Variants in MALRD1 observed in about 807,000 individuals in gnomAD.
MALRD1 encodes MAM and LDL-receptor class A domain-containing protein 1.
Under a neutral mutation model 242.1 loss-of-function variants are expected in MALRD1, and 247 were observed. That is an observed-to-expected ratio of 1.02 (90% confidence interval 0.92 to 1.13). The LOEUF is 1.13. MALRD1 is among the 50% of genes most tolerant of loss of function. The pLI is 0.00. For synonymous variants in MALRD1, 995 were observed against 866.6 expected (o/e 1.15, Z -2.60); for missense variants, 2,989 against 2,533.1 (o/e 1.18, Z -3.86).
intron 21 of MALRD1, among the ~76,000 whole-genome samples, chr10:19,310,256 T>C (rs1040267981): frequency 2.6e-5 from 4 of 151,522 alleles, no homozygotes; most frequent in African/African-American, 7.3e-5. Context: ...TAACAGAGAC[T>C]GATTTAAGTA....
chr10:19,048,032 T>C (rs1292592193), upstream of MALRD1, among the ~76,000 whole-genome samples: 2 of 152,206 alleles, frequency 1.3e-5, no homozygotes, highest in Non-Finnish European at 2.9e-5. Context: ...ATTATGTAAT[T>C]ATTATGTCTG....
At chr10:19,628,559 CTG>C (rs900706995) in intron 36 of MALRD1, among the ~76,000 whole-genome samples, 1 of 151,734 alleles carries the variant, frequency 6.6e-6, no homozygotes, top group Admixed American at 6.6e-5. Context: ...AAATGTGTAA[CTG>C]TGTATGAAAA....
chr10:19,550,240 A>G (rs1003778972), intron 32 of MALRD1, among the ~76,000 whole-genome samples: 9 of 151,998 alleles, frequency 5.9e-5, no homozygotes, highest in African/African-American at 2.2e-4. Context: ...CTACTTGCCT[A>G]TGATACATTC....
intron 32 of MALRD1, among the ~76,000 whole-genome samples, chr10:19,534,573 G>T (rs1834567552): frequency 6.6e-6 from 1 of 151,812 alleles, no homozygotes. Context: ...AACTTGTGGT[G>T]GGAAAAAAAC....
chr10:19,641,055 A>C (rs1840363998), intron 36 of MALRD1, among the ~76,000 whole-genome samples: 1 of 152,204 alleles, frequency 6.6e-6, no homozygotes, highest in South Asian at 2.1e-4. Flanking sequence ...AGATAGGCTT[A>C]AATGAGTGAA....
At chr10:19,372,658 G>A (rs12217297) in intron 26 of MALRD1, among the ~76,000 whole-genome samples, 18,430 of 151,656 alleles carry the variant, frequency 0.12, 1,216 homozygotes, top group South Asian at 0.16. Flanking sequence ...AGTAGAGATG[G>A]GGTTTCACCA....
chr10:19,310,237 C>T (rs781263849), intron 21 of MALRD1, among the ~76,000 whole-genome samples: 11 of 151,392 alleles, frequency 7.3e-5, no homozygotes, highest in Non-Finnish European at 1.3e-4. Context: ...TTTTTACTGA[C>T]GTTATTGGTA....
chr10:19,214,638 A>G (rs937320040), intron 18 of MALRD1, among the ~76,000 whole-genome samples: 8 of 152,214 alleles, frequency 5.3e-5, no homozygotes, highest in African/African-American at 1.9e-4. Context: ...TGAAAATGTG[A>G]TCTTCGGTTT....
chr10:19,479,537 G>A (rs1419122836), intron 29 of MALRD1, among the ~76,000 whole-genome samples: 1 of 152,142 alleles, frequency 6.6e-6, no homozygotes, highest in Non-Finnish European at 1.5e-5. Flanking sequence ...CCTGCTTCAC[G>A]AAGCTGTTTT....
chr10:19,482,174 C>T (rs1160619927), intron 29 of MALRD1, among the ~76,000 whole-genome samples: 1 of 152,040 alleles, frequency 6.6e-6, no homozygotes, highest in South Asian at 2.1e-4. Flanking sequence ...AAATCATTAT[C>T]TTGGTCTACA....
In MALRD1 at chr10:19,554,273, G is replaced by A. The variant is rs1221842674; in HGVS notation, c.5479-13229G>A. 2.0e-5 allele frequency among the ~76,000 whole-genome samples: 3 copies of A among 152,284 alleles called. No individual in the cohort carries two copies. In the East Asian group the frequency reaches 5.8e-4, roughly 29 times the overall value. ...TCTGCTTCTGGTGAGGACTCAGGAA[G>A]TTTCCAATCATTGTAGAAGGCGAAC... On this transcript the variant is annotated intron_variant, in intron 32 of 39. Transcript: ENST00000454679.
At position 19,703,579 on chromosome 10, in the gene MALRD1, T is replaced by A. The variant is rs116871949; in HGVS notation, c.6314+11025T>A. Among the ~76,000 whole-genome samples the A allele has an allele frequency of 2.4e-3, 366 of 152,322 alleles. 9 individuals are homozygous for A. In the East Asian group the frequency reaches 0.052, roughly 22 times the overall value. ...AGAAGAGAGATGTAATCATCAAATC[T>A]ATATCTGTAAATCAAGATTAAAGGG... On this transcript the variant is annotated intron_variant, in intron 38 of 39. Coordinates refer to ENST00000454679, the MANE Select transcript of MALRD1 (RefSeq NM_001142308.3).
In MALRD1 at chr10:19,382,324, T is replaced by C. The variant is rs1845870319; in HGVS notation, c.4442-5204T>C. On this transcript the variant is annotated intron_variant, in intron 26 of 39. Transcript: ENST00000454679. ...TGATGCATGGGATGACATCTGATAT[T>C]ATTTGATAGATGGAAGCGTGTGTGT... is the stretch of plus-strand genomic sequence containing the variant. Among the ~76,000 whole-genome samples, 3 of 149,722 alleles carry C rather than the reference T, an allele frequency of 2.0e-5. No individual in the cohort carries two copies. In the South Asian group the frequency reaches 6.3e-4, roughly 32 times the overall value.
chr10:19,444,915 C>G (rs547803661), intron 28 of MALRD1, among the ~76,000 whole-genome samples: 1 of 152,302 alleles, frequency 6.6e-6, no homozygotes, highest in East Asian at 1.9e-4. Flanking sequence ...CAACTTGGTT[C>G]CATTCTCCCC....
chr10:19,679,480 T>C (rs1306846338), intron 36 of MALRD1, among the ~76,000 whole-genome samples: 1 of 152,234 alleles, frequency 6.6e-6, no homozygotes, highest in East Asian at 1.9e-4. Context: ...TGATTGTTTG[T>C]ATTTCTGTGG....
intron 31 of MALRD1, among the ~76,000 whole-genome samples, chr10:19,522,106 A>G (rs1833908589): frequency 1.4e-5 from 2 of 144,616 alleles, no homozygotes; most frequent in South Asian, 2.2e-4. Context: ...ATAATTGGTG[A>G]CTCCTGGTCC....
intron 33 of MALRD1, among the ~76,000 whole-genome samples, chr10:19,569,484 AT>A (rs1836409890): frequency 6.6e-6 from 1 of 151,430 alleles, no homozygotes; most frequent in South Asian, 2.1e-4. Flanking sequence ...GGAAAAAAAA[AT>A]CTCCATCTTC....
chr10:19,564,340 G>A (rs1439034209), intron 32 of MALRD1, among the ~76,000 whole-genome samples: 1 of 151,798 alleles, frequency 6.6e-6, no homozygotes, highest in Non-Finnish European at 1.5e-5. Flanking sequence ...ACCTGATTTT[G>A]GTCTATCTAT....
intron 25 of MALRD1, among the ~76,000 whole-genome samples, chr10:19,351,280 C>G (rs1007268405): frequency 2.0e-5 from 3 of 152,178 alleles, no homozygotes; most frequent in Admixed American, 2.0e-4. Flanking sequence ...CTGTCCTGTT[C>G]TTTTCCCAGA....
Sources: allele counts gnomAD v4.1 joint callset (sites outside exome capture counted in the v4.1 genomes callset), GRCh38; gene constraint gnomAD v4.1.1; transcripts MANE v1.5; gene names NCBI Gene and HGNC (gene_info 2026-07-23, HGNC 2026-07-21).